ANO8: variants seen among roughly 807,000 people sequenced by gnomAD.
ANO8 encodes anoctamin 8, also known as anoctamin-8.
A neutral mutation model predicts 120.4 loss-of-function variants in ANO8; 67 were observed. The ratio of observed to expected loss-of-function variants is 0.56; its 90% confidence interval spans 0.46 to 0.68. The LOEUF is 0.68. Ranked by LOEUF, ANO8 falls within the 30% of genes least tolerant of loss-of-function variation. The pLI, the probability that ANO8 is intolerant of heterozygous loss-of-function variation, is 0.00. For missense variants in ANO8, 1,526 were observed against 1,737.6 expected, an observed-to-expected ratio of 0.88 and a Z score of 2.16; for synonymous variants, 727 against 759.2, an observed-to-expected ratio of 0.96 and a Z score of 0.70.
chr19:17,333,730 C>G lies in ANO8; in HGVS notation c.177G>C (p.Thr59=). The part of the protein sequence containing the change: ...YLVSHKAWMK[T]VPTENCDVLM... ...GCACGTCGCAGTTCTCTGTAGGCAC[C>G]GTCTTCATCCACGCCTTGTGGGACA... Residue 59 remains threonine (T), a synonymous_variant, in exon 2 of 18, where the codon ACG becomes ACC. Transcript: ENST00000159087. The surrounding 1 kb of genome is among the most constrained non-coding windows in gnomAD (Gnocchi z 7.2). The G allele has an allele frequency of 6.2e-7, 1 of 1,609,046 alleles. No individual in the cohort carries two copies. The highest frequency in any genetic ancestry group is 8.5e-7 in the Non-Finnish European group (1 of 1,178,724).
chr19:17,323,597 C>T lies in ANO8; in HGVS notation c.3619G>A (p.Asp1207Asn), dbSNP rs746772687. 1.1e-4 allele frequency: 128 copies of T among 1,191,338 alleles called. No homozygotes were observed. The African/African-American group carries it at 1.8e-3, about 17-fold the overall frequency. 73.8% of individuals were successfully genotyped at this position (1,191,338 alleles called of 1,614,324 possible). ...LPPPPLPPTS[D>N]PLETPAPSPS... ...GAGGGCGCTGGGGTCTCGAGGGGAT[C>T]CGAGGTGGGCGGTAGCGGTGGGGGC... The change falls in exon 18 of 18, where the codon GAT becomes AAT. Residue 1207 changes from aspartate (D) to asparagine (N), a missense_variant. Transcript: ENST00000159087.
chr19:17,330,400 C>T lies in ANO8; in HGVS notation c.1098G>A (p.Ala366=), dbSNP rs781630340. The T allele has an allele frequency of 8.8e-6, 14 of 1,582,768 alleles. No homozygotes were observed. The South Asian group carries it at 9.1e-5, about 10-fold the overall frequency. ...TGAGCAAGAAGACACAGACGAGGCA[C>T]GCCAGGCACAGGGGGAGGCTCACAA... ...QLLVSLPLCL[A]CLVCVFLLML... Residue 366 remains alanine, a synonymous_variant, in exon 9 of 18, where the codon GCG becomes GCA. Coordinates refer to ENST00000159087, the MANE Select transcript of ANO8 (RefSeq NM_020959.3).
In ANO8 at chr19:17,327,339, C is replaced by T. The variant is rs1339705977; in HGVS notation, c.2557G>A (p.Ala853Thr). The stretch of plus-strand genomic sequence containing the variant: ...TGGATGAGGTACTTGAGGAGCAGAG[C>T]GAAGTGCTGCAGGGGTGGCAGAGAG... ...IVSVVVLEHF[A>T]LLLKYLIHVA... Residue 853 changes from alanine (A) to threonine (T), a missense_variant, in exon 16 of 18, where the codon GCT (alanine) becomes ACT (threonine). By Grantham distance (58) the Ala-to-Thr change is moderately conservative. Around this residue, in one of 8 missense-constraint regions of ANO8, gnomAD observed 489 missense variants for 548.6 expected, o/e 0.89. Transcript: ENST00000159087. 6 of 1,550,122 alleles carry T rather than the reference C, an allele frequency of 3.9e-6. No individual in the cohort carries two copies. The highest frequency in any genetic ancestry group is 5.2e-6 in the Non-Finnish European group (6 of 1,146,434).
chr19:17,334,699 G>A lies in ANO8; in HGVS notation c.-29C>T, dbSNP rs2074349764. On this transcript the variant is annotated 5_prime_UTR_variant, in exon 1 of 18. Coordinates refer to ENST00000159087, the MANE Select transcript of ANO8 (RefSeq NM_020959.3). ...GAGGACAGGTCAGGTCAGGGGCTAC[G>A]GACGGCCCGGGCGACGGGGAGCCGC... 6 of 1,352,232 alleles carry A rather than the reference G, an allele frequency of 4.4e-6. No individual in the cohort carries two copies. Among genetic ancestry groups the A allele is most frequent in the Non-Finnish European group, 5.7e-6 (6 of 1,056,184 alleles). The allele number at this position is 1,352,232 out of a possible 1,614,324, so 83.8% of individuals were successfully genotyped here.
rs2074278378 is a variant in ANO8, at chr19:17,327,237, T to G, written c.2659A>C (p.Lys887Gln). ...KLEYQRREAFKRHERQAQHRY... is the reference protein window; with the variant it reads ...KLEYQRREAFQRHERQAQHRY... Reference sequence around the variant, plus strand: ...CGAGCCCAGCCTGGCCCCCCTACCTTAAAGGCCTCGCGGCGCTGGTACTCC... The same window carrying G: ...CGAGCCCAGCCTGGCCCCCCTACCTGAAAGGCCTCGCGGCGCTGGTACTCC... The change falls in exon 16 of 18, where the codon AAG becomes CAG. Residue 887 changes from lysine (K) to glutamine (Q), a missense_variant and splice_region_variant. By Grantham distance (53) the Lys-to-Gln change is moderately conservative. This residue lies in a region of ANO8 where 489 missense variants were observed against 548.6 expected (regional missense o/e 0.89). Coordinates refer to ENST00000159087, the MANE Select transcript of ANO8 (RefSeq NM_020959.3). 6.5e-7 allele frequency: 1 copy of G among 1,539,832 alleles called. No individual in the cohort carries two copies. The highest frequency in any genetic ancestry group is 8.8e-7 in the Non-Finnish European group (1 of 1,140,290).
intron 12 of ANO8, chr19:17,329,339 C>T (rs568748168): frequency 8.9e-5 from 30 of 337,156 alleles, no homozygotes; most frequent in African/African-American, 2.4e-4. Context: ...CTCAGCTCGG[C>T]GCGCCAGGCC....
At position 17,330,397 on chromosome 19, in the gene ANO8, G is replaced by A. The variant is rs1170123509; in HGVS notation, c.1101C>T (p.Cys367=). The part of the protein sequence containing the change: ...LLVSLPLCLA[C]LVCVFLLMLG... ...GCATGAGCAAGAAGACACAGACGAG[G>A]CACGCCAGGCACAGGGGGAGGCTCA... is the stretch of plus-strand genomic sequence containing the variant. The change falls in exon 9 of 18, where the codon TGC becomes TGT. Residue 367 remains cysteine, a synonymous_variant. Coordinates refer to ENST00000159087, the MANE Select transcript of ANO8 (RefSeq NM_020959.3). The A allele has an allele frequency of 7.0e-6, 11 of 1,582,236 alleles. No individual in the cohort carries two copies. The highest frequency in any genetic ancestry group is 9.4e-6 in the Non-Finnish European group (11 of 1,164,412).
At chr19:17,332,597 C>T (rs536516884) in intron 5 of ANO8, among the ~76,000 whole-genome samples, 3 of 152,298 alleles carry the variant, frequency 2.0e-5, no homozygotes, top group Admixed American at 6.5e-5. Context: ...AGGGCCTCTC[C>T]TGGACCCACC....
At chr19:17,326,891 T>A (rs2074276591) in intron 16 of ANO8, among the ~76,000 whole-genome samples, 1 of 152,230 alleles carries the variant, frequency 6.6e-6, no homozygotes. Context: ...GCTGCCAGGA[T>A]TCCAGAAGCG....
Position 17,325,232 on chromosome 19 carries a change from G to C in ANO8, c.2816C>G (p.Pro939Arg). ...AGAGGCCTTCTCGGAGGAGGTGGCA[G>C]GGTCCAGCCCAGAGCCCTCGGCCCT... ...EARAEGSGLD[P>R]ATSSEKASAK... The change falls in exon 17 of 18, where the codon CCT (proline) becomes CGT (arginine). Residue 939 changes from proline to arginine, a missense_variant. Physicochemically the swap from Pro to Arg is moderately radical, Grantham distance 103. Transcript: ENST00000159087. 1 of 1,611,216 alleles carries C rather than the reference G, an allele frequency of 6.2e-7. No homozygotes were observed. Among genetic ancestry groups the C allele is most frequent in the Non-Finnish European group, 8.5e-7 (1 of 1,179,816 alleles).
At position 17,324,796 on chromosome 19, in the gene ANO8, G is replaced by C; in HGVS notation, c.3252C>G (p.Ser1084Arg). ...RPDGTPSSGSSRVQRSGPVDE... is the reference protein window; with the variant it reads ...RPDGTPSSGSRRVQRSGPVDE... ...CCACCGGCCCACTCCTCTGAACCCG[G>C]CTGCTGCCACTGCTGGGGGTCCCAT... The change falls in exon 17 of 18, where the codon AGC becomes AGG. Residue 1084 changes from serine to arginine, a missense_variant. By Grantham distance (110) the Ser-to-Arg change is moderately radical. Transcript: ENST00000159087. The C allele has an allele frequency of 6.3e-7, 1 of 1,594,828 alleles. No individual in the cohort carries two copies. Among genetic ancestry groups the C allele is most frequent in the Non-Finnish European group, 8.5e-7 (1 of 1,170,744 alleles).
chr19:17,328,307 CCCCCG>C lies in ANO8; in HGVS notation c.2076_2080del (p.Asp692GlufsTer15). 1 of 1,600,082 alleles carries C rather than the reference CCCCCG, an allele frequency of 6.2e-7. No individual in the cohort carries two copies. The highest frequency in any genetic ancestry group is 8.5e-7 in the Non-Finnish European group (1 of 1,175,188). On this transcript the variant is annotated frameshift_variant, in exon 13 of 18. Coordinates refer to ENST00000159087, the MANE Select transcript of ANO8 (RefSeq NM_020959.3). LOFTEE classifies it high-confidence loss of function. The stretch of plus-strand genomic sequence containing the variant: ...GTTGGAGCCGGGTTCCGGGTCCGGG[CCCCCG>C]TCGGGCCCCTGGTCTCGGCCCTCGC...
chr19:17,327,259 C>T lies in ANO8; in HGVS notation c.2637G>A (p.Glu879=). The T allele has an allele frequency of 6.5e-7, 1 of 1,547,852 alleles. No individual in the cohort carries two copies. The highest frequency in any genetic ancestry group is 8.7e-7 in the Non-Finnish European group (1 of 1,145,682). ...GWVAEEMAKL[E]YQRREAFKRH... is the part of the protein sequence containing the mutation. ...CCTTAAAGGCCTCGCGGCGCTGGTA[C>T]TCCAGCTTGGCCATTTCCTCGGCCA... Residue 879 remains glutamate, a synonymous_variant, in exon 16 of 18, where the codon GAG becomes GAA. Transcript: ENST00000159087.
In ANO8 at chr19:17,328,144, GC is replaced by G; in HGVS notation, c.2226+17del. On this transcript the variant is annotated intron_variant, in intron 13 of 17. Coordinates refer to ENST00000159087, the MANE Select transcript of ANO8 (RefSeq NM_020959.3). ...CCGGCGAGGCCCCGCCCCCTGCGAG[GC>G]CCCGCCCCCTCCTCACCTCGTACTT... is the stretch of plus-strand genomic sequence containing the variant. 2 of 1,531,568 alleles carry G rather than the reference GC, an allele frequency of 1.3e-6. No individual in the cohort carries two copies. The highest frequency in any genetic ancestry group is 1.8e-6 in the Non-Finnish European group (2 of 1,137,854). 94.9% of individuals were successfully genotyped at this position (1,531,568 alleles called of 1,614,324 possible). A position where few individuals can be genotyped will look rare whatever the true frequency, so the allele number is the denominator to read the frequency against.
chr19:17,328,355 A>C lies in ANO8; in HGVS notation c.2033T>G (p.Leu678Trp), dbSNP rs1468144988. 1.3e-6 allele frequency: 2 copies of C among 1,576,370 alleles called. No individual in the cohort carries two copies. Among genetic ancestry groups the C allele is most frequent in the Non-Finnish European group, 1.7e-6 (2 of 1,165,176 alleles). Reference sequence around the variant, plus strand: ...GCCCTCGCCCCCGGCCCGGCGGAACAAGATGGCCGGGGGCTCCCGTTCAGG... The same window carrying C: ...GCCCTCGCCCCCGGCCCGGCGGAACCAGATGGCCGGGGGCTCCCGTTCAGG... ...GSPEREPPAILFRRAGGEGRD... is the reference protein window; with the variant it reads ...GSPEREPPAIWFRRAGGEGRD... Residue 678 changes from leucine (L) to tryptophan (W), a missense_variant, in exon 13 of 18, where the codon TTG (leucine) becomes TGG (tryptophan). Physicochemically the swap from Leu to Trp is moderately conservative, Grantham distance 61. Transcript: ENST00000159087.
In ANO8 at chr19:17,323,404, C is replaced by T. The variant is rs1374270921; in HGVS notation, c.*113G>A. ...AAAGGAAAACGGCAGATGGGGGGCA[C>T]CGACCAATACTGGGGGCCCTCGGGG... is the stretch of plus-strand genomic sequence containing the variant. On this transcript the variant is annotated 3_prime_UTR_variant, in exon 18 of 18. Transcript: ENST00000159087. The T allele has an allele frequency of 2.6e-6, 3 of 1,133,248 alleles. No homozygotes were observed. Among genetic ancestry groups the T allele is most frequent in the South Asian group, 7.2e-5 (2 of 27,612 alleles). 70.2% of individuals were successfully genotyped at this position (1,133,248 alleles called of 1,614,324 possible).
chr19:17,324,723 C>T lies in ANO8; in HGVS notation c.3325G>A (p.Gly1109Ser). 6.6e-7 allele frequency: 1 copy of T among 1,523,892 alleles called. No homozygotes were observed. Among genetic ancestry groups the T allele is most frequent in the Non-Finnish European group, 8.8e-7 (1 of 1,138,514 alleles). The allele number at this position is 1,523,892 out of a possible 1,614,324, so 94.4% of individuals were successfully genotyped here. Residue 1109 changes from glycine (G) to serine (S), a missense_variant, in exon 17 of 18, where the codon GGC (glycine) becomes AGC (serine). Transcript: ENST00000159087. ...CCGAGTTAAAGCTTGTGACCTGAGC[C>T]TTCCTCTTCGGGCCGGGGGGCTTCC... Reference protein sequence around the residue: ...ELEAPRPEEEGSGTALAPVGA... With the variant: ...ELEAPRPEEESSGTALAPVGA...
At position 17,323,493 on chromosome 19, in the gene ANO8, G is replaced by A. The variant is rs758900297; in HGVS notation, c.*24C>T. ...TGTGAATGACTGATATTGCATATGA[G>A]AAGAGAAGGCAGGGCGGGTAGAGCT... On this transcript the variant is annotated 3_prime_UTR_variant, in exon 18 of 18. Transcript: ENST00000159087. The A allele has an allele frequency of 7.7e-6, 10 of 1,290,704 alleles. No individual in the cohort carries two copies. Among genetic ancestry groups the A allele is most frequent in the Admixed American group, 3.1e-5 (1 of 32,610 alleles). The allele number at this position is 1,290,704 out of a possible 1,614,324, so 80.0% of individuals were successfully genotyped here. A position where few individuals can be genotyped will look rare whatever the true frequency, so the allele number is the denominator to read the frequency against.
rs753041457 is a variant in ANO8, at chr19:17,328,369, C to T, written c.2019G>A (p.Glu673=). ...AEGAPGSPER[E]PPAILFRRAG... is the part of the protein sequence containing the mutation. ...CCCGGCGGAACAAGATGGCCGGGGG[C>T]TCCCGTTCAGGGCTGCCGGGAGCCC... The change falls in exon 13 of 18, where the codon GAG becomes GAA. Residue 673 remains glutamate, a synonymous_variant. Transcript: ENST00000159087. The T allele has an allele frequency of 3.2e-6, 5 of 1,574,910 alleles. No individual in the cohort carries two copies. In the South Asian group the frequency reaches 4.6e-5, roughly 14 times the overall value.
Sources: allele counts gnomAD v4.1 joint callset (sites outside exome capture counted in the v4.1 genomes callset), GRCh38; gene constraint gnomAD v4.1.1; regional missense constraint gnomAD v4.1.1; non-coding constraint Gnocchi (gnomAD v3.1); transcripts MANE v1.5; gene names NCBI Gene and HGNC (gene_info 2026-07-23, HGNC 2026-07-21).